The following NECAB1 variants were observed in gnomAD, a reference collection of about 807,000 sequenced individuals.
NECAB1 encodes the protein N-terminal EF-hand calcium-binding protein 1.
A neutral mutation model predicts 57.5 loss-of-function variants in NECAB1; 29 were observed. The observed-to-expected ratio is 0.50, with a 90% CI of 0.38 to 0.69. The LOEUF is 0.69. Ranked by LOEUF, NECAB1 falls within the 30% of genes least tolerant of loss-of-function variation. NECAB1 has a pLI of 0.00. For synonymous variants in NECAB1, 142 were observed against 147.7 expected, an observed-to-expected ratio of 0.96 and a Z score of 0.28; for missense variants, 372 against 413.8, an observed-to-expected ratio of 0.90 and a Z score of 0.88.
intron 1 of NECAB1, among the ~76,000 whole-genome samples, chr8:90,793,453 T>C (rs1398656989): frequency 6.6e-6 from 1 of 152,190 alleles, no homozygotes; most frequent in Non-Finnish European, 1.5e-5. Flanking sequence ...AAGTACCTTA[T>C]CCTTCATGAG....
chr8:90,825,006 C>A (rs1476016479), intron 3 of NECAB1, 181 bp downstream of exon 3: 2 of 365,212 alleles, frequency 5.5e-6, no homozygotes, highest in Non-Finnish European at 9.9e-6. Context: ...GACTTTGAAT[C>A]AGAAAATAAT....
intron 3 of NECAB1, among the ~76,000 whole-genome samples, chr8:90,830,233 G>T (rs1457827710): frequency 6.6e-6 from 1 of 152,180 alleles, no homozygotes; most frequent in Non-Finnish European, 1.5e-5. Flanking sequence ...AATTCCAATA[G>T]TGGACAAGAG....
At chr8:90,891,941 G>A (rs1180741671) in intron 5 of NECAB1, among the ~76,000 whole-genome samples, 1 of 152,048 alleles carries the variant, frequency 6.6e-6, no homozygotes, top group Non-Finnish European at 1.5e-5. Context: ...CAATCCAGCT[G>A]CCTTGGCCTC....
In NECAB1 at chr8:90,796,619, G is replaced by T. The variant is rs77342955; in HGVS notation, c.99+4634G>T. Among the ~76,000 whole-genome samples the T allele has an allele frequency of 5.2e-3, 795 of 152,262 alleles. 5 individuals are homozygous for T. Among genetic ancestry groups the T allele is most frequent in the African/African-American group, 0.017 (721 of 41,544 alleles). On this transcript the variant is annotated intron_variant, in intron 1 of 12. Transcript: ENST00000417640. The stretch of plus-strand genomic sequence containing the variant: ...TCTATTTGATAATCTTTGAATTGTA[G>T]CGAAAACACAGTATTGCCTGTCTTC...
At chr8:90,943,180 T>G (rs2130247329) in intron 10 of NECAB1, among the ~76,000 whole-genome samples, 1 of 152,308 alleles carries the variant, frequency 6.6e-6, no homozygotes, top group East Asian at 1.9e-4. Context: ...TGGATAGATT[T>G]GTGCCGCCTG....
intron 12 of NECAB1, among the ~76,000 whole-genome samples, chr8:90,953,936 G>A (rs907558266): frequency 6.6e-6 from 1 of 151,924 alleles, no homozygotes; most frequent in Non-Finnish European, 1.5e-5. Flanking sequence ...AGGCATGGTG[G>A]TGCATACCTG....
At chr8:90,905,182 A>G (rs1357118979) in intron 5 of NECAB1, among the ~76,000 whole-genome samples, 2 of 152,244 alleles carry the variant, frequency 1.3e-5, no homozygotes, top group Admixed American at 1.3e-4. Flanking sequence ...CATTTAAACA[A>G]ATGCTATAAA....
intron 5 of NECAB1, among the ~76,000 whole-genome samples, chr8:90,892,909 G>C (rs1295976559): frequency 2.6e-5 from 4 of 152,054 alleles, no homozygotes; most frequent in Non-Finnish European, 4.4e-5. Context: ...ACCCAAATCT[G>C]AGCCTTCCCT....
chr8:90,809,829 C>G (rs2129667468), intron 2 of NECAB1, among the ~76,000 whole-genome samples: 2 of 152,134 alleles, frequency 1.3e-5, no homozygotes, highest in South Asian at 4.1e-4. Context: ...TTAAAAAATA[C>G]TGAAAAATGT....
chr8:90,798,863 G>A (rs2130641361), intron 1 of NECAB1, among the ~76,000 whole-genome samples: 1 of 152,312 alleles, frequency 6.6e-6, no homozygotes, highest in African/African-American at 2.4e-5. Context: ...TAAGTTCTCT[G>A]AGAAATCTCC....
At position 90,802,222 on chromosome 8, in the gene NECAB1, C is replaced by T. The variant is rs184995587; in HGVS notation, c.124+507C>T. Among the ~76,000 whole-genome samples the T allele has an allele frequency of 5.9e-3, 892 of 152,344 alleles. 5 individuals are homozygous for T. Among genetic ancestry groups the T allele is most frequent in the African/African-American group, 0.02 (833 of 41,586 alleles). ...GAAACCTGCATTGCTAGCTTTATCT[C>T]TACCCCATTGTTCCTGGCCACTGCT... On this transcript the variant is annotated intron_variant, in intron 2 of 12. Transcript: ENST00000417640.
chr8:90,818,548 A>G (rs113798311), intron 2 of NECAB1, among the ~76,000 whole-genome samples: 13 of 152,182 alleles, frequency 8.5e-5, no homozygotes, highest in African/African-American at 3.1e-4. Flanking sequence ...TTCACTGCAT[A>G]TTCTTACTGC....
intron 5 of NECAB1, among the ~76,000 whole-genome samples, chr8:90,900,672 C>T (rs1437847523): frequency 1.3e-5 from 2 of 152,192 alleles, no homozygotes; most frequent in Non-Finnish European, 2.9e-5. Flanking sequence ...TCACTATAAC[C>T]TTCCAGGTAC....
intron 6 of NECAB1, among the ~76,000 whole-genome samples, chr8:90,918,752 T>TC (rs1810036840): frequency 6.6e-6 from 1 of 152,096 alleles, no homozygotes; most frequent in South Asian, 2.1e-4. Context: ...GTGGCTCACT[T>TC]CTCTTTGGTT....
intron 5 of NECAB1, among the ~76,000 whole-genome samples, chr8:90,903,493 T>A (rs1473253168): frequency 6.6e-6 from 1 of 152,206 alleles, no homozygotes; most frequent in Non-Finnish European, 1.5e-5. Flanking sequence ...TTGCTTTTTA[T>A]TTGTTAATTT....
chr8:90,817,529 T>G (rs931272140), intron 2 of NECAB1, among the ~76,000 whole-genome samples: 1 of 151,538 alleles, frequency 6.6e-6, no homozygotes, highest in African/African-American at 2.4e-5. Flanking sequence ...TATTAATGGG[T>G]GTATGATTTT....
In NECAB1 at chr8:90,882,407, T is replaced by A. The variant is rs76739328; in HGVS notation, c.357+1277T>A. Among the ~76,000 whole-genome samples, 21 of 150,306 alleles carry A rather than the reference T, an allele frequency of 1.4e-4. No homozygotes were observed. In the East Asian group the frequency reaches 3.7e-3, roughly 27 times the overall value. ...TGTATCCTATATCCAAATAACAAAT[T>A]CCAAAAAGAGAGAGAGAGAAAAAAA... On this transcript the variant is annotated intron_variant, in intron 5 of 12. Coordinates refer to ENST00000417640, the MANE Select transcript of NECAB1 (RefSeq NM_022351.5).
intron 4 of NECAB1, among the ~76,000 whole-genome samples, chr8:90,877,500 A>G (rs1450543910): frequency 3.3e-5 from 5 of 152,116 alleles, no homozygotes; most frequent in Non-Finnish European, 7.4e-5. Context: ...AGTTATCTTC[A>G]TGTCTAACAA....
At chr8:90,939,164 G>A (rs1810609897) in intron 9 of NECAB1, among the ~76,000 whole-genome samples, 1 of 152,228 alleles carries the variant, frequency 6.6e-6, no homozygotes, top group Non-Finnish European at 1.5e-5. Context: ...GAGCCATGTG[G>A]CACAGAAAGC....
Sources: allele counts gnomAD v4.1 joint callset (sites outside exome capture counted in the v4.1 genomes callset), GRCh38; gene constraint gnomAD v4.1.1; transcripts MANE v1.5; gene names NCBI Gene and HGNC (gene_info 2026-07-23, HGNC 2026-07-21).